The following WDFY3 variants were observed in gnomAD, a reference collection of about 807,000 sequenced individuals.
WDFY3 encodes the protein WD repeat and FYVE domain-containing protein 3.
WDFY3 carries 66 observed loss-of-function variants against 409.6 expected under a neutral mutation model. The ratio of observed to expected loss-of-function variants is 0.16; its 90% confidence interval spans 0.13 to 0.20. The LOEUF (loss-of-function observed/expected upper bound fraction) is 0.20. Among genes scored for constraint, WDFY3 ranks in the 10% least tolerant of loss-of-function variants. The probability of loss-of-function intolerance (pLI) is 1.00; values close to 1 mark genes in which losing one functional copy is unlikely to be tolerated. For missense variants in WDFY3, 3,031 were observed against 4,298.1 expected (o/e 0.71, Z 8.24); for synonymous variants, 1,521 against 1,537.1 (o/e 0.99, Z 0.25).
intron 45 of WDFY3, among the ~76,000 whole-genome samples, chr4:84,724,900 C>A (rs1461531348): frequency 1.3e-5 from 2 of 152,148 alleles, no homozygotes; most frequent in Non-Finnish European, 2.9e-5. Flanking sequence ...GAAAACCTCC[C>A]CATCCGGTAA....
intron 29 of WDFY3, 41 bp from the exon 30 acceptor site, chr4:84,772,970 C>T (rs749769274): frequency 1.0e-5 from 15 of 1,484,080 alleles, no homozygotes; most frequent in African/African-American, 1.4e-5. Context: ...TTTCTTTTTC[C>T]TCTTCCCAAA....
rs1725274301 is a variant in WDFY3, at chr4:84,670,340, T to G, written c.*2528A>C. 6.6e-6 allele frequency: 1 copy of G among 152,632 alleles called. No homozygotes were observed. Among genetic ancestry groups the G allele is most frequent in the Non-Finnish European group, 1.5e-5 (1 of 68,046 alleles). 9.5% of individuals were successfully genotyped at this position (152,632 alleles called of 1,614,324 possible). A position where few individuals can be genotyped will look rare whatever the true frequency, so the allele number is the denominator to read the frequency against. On this transcript the variant is annotated 3_prime_UTR_variant, in exon 68 of 68. Transcript: ENST00000295888. ...TGACAATAGATGTTGGTAAATAAATTTACATGGAACACAGAAAGATATCCA... is the reference window on the plus strand; with the variant it reads ...TGACAATAGATGTTGGTAAATAAATGTACATGGAACACAGAAAGATATCCA...
intron 4 of WDFY3, among the ~76,000 whole-genome samples, chr4:84,850,838 G>T (rs1156623352): frequency 6.6e-6 from 1 of 150,846 alleles, no homozygotes; most frequent in African/African-American, 2.4e-5. Context: ...AACAGAAATG[G>T]GAGGGTCATG....
intron 47 of WDFY3, among the ~76,000 whole-genome samples, chr4:84,720,935 G>A (rs1442360879): frequency 1.3e-5 from 2 of 152,150 alleles, no homozygotes; most frequent in Admixed American, 1.3e-4. Flanking sequence ...AGGTCAGCAG[G>A]GTATTGGAGG....
At chr4:84,775,866 C>CA (rs1190044112) in intron 27 of WDFY3, among the ~76,000 whole-genome samples, 2 of 151,524 alleles carry the variant, frequency 1.3e-5, no homozygotes, top group Admixed American at 6.6e-5. Flanking sequence ...CTATTCCATG[C>CA]AAAAATGTCC....
chr4:84,674,525 G>A (rs1245883562), intron 67 of WDFY3, among the ~76,000 whole-genome samples: 1 of 151,806 alleles, frequency 6.6e-6, no homozygotes, highest in Non-Finnish European at 1.5e-5. Flanking sequence ...AGCTGTGATC[G>A]TGCCACTGTA....
intron 21 of WDFY3, among the ~76,000 whole-genome samples, chr4:84,791,966 C>T (rs1364059766): frequency 6.6e-6 from 1 of 152,004 alleles, no homozygotes; most frequent in Non-Finnish European, 1.5e-5. Context: ...AATGGCAAGA[C>T]AGCGGTGGAA....
At chr4:84,692,755 T>A in intron 59 of WDFY3, 130 bp downstream of exon 59, 1 of 854,496 alleles carries the variant, frequency 1.2e-6, no homozygotes, top group East Asian at 2.8e-5. Context: ...TTTAGTAATC[T>A]AACACAAAAT....
intron 53 of WDFY3, among the ~76,000 whole-genome samples, chr4:84,707,312 G>A (rs1732136986): frequency 6.6e-6 from 1 of 152,142 alleles, no homozygotes; most frequent in South Asian, 2.1e-4. Context: ...GAAGGAAGGA[G>A]AGACTAGAGC....
rs1298000979 is a variant in WDFY3 at position 84,717,024 on chromosome 4, C to G, written c.7755-8G>C. ...ATAATAGGCTCATGCATACTACAGGCAGCCAAGAGAAAAAGCAAATAAAAA... is the reference window on the plus strand; with the variant it reads ...ATAATAGGCTCATGCATACTACAGGGAGCCAAGAGAAAAAGCAAATAAAAA... On this transcript the variant is annotated splice_region_variant and splice_polypyrimidine_tract_variant and intron_variant, in intron 48 of 67. Transcript: ENST00000295888. 6.4e-6 allele frequency: 10 copies of G among 1,560,960 alleles called. No homozygotes were observed. The East Asian group carries it at 2.4e-4, about 37-fold the overall frequency.
intron 37 of WDFY3, among the ~76,000 whole-genome samples, chr4:84,742,588 GAGGT>G (rs1738638009): frequency 6.6e-6 from 1 of 152,184 alleles, no homozygotes; most frequent in Admixed American, 6.5e-5. Context: ...CACACAGCAA[GAGGT>G]GTGAGGTGGG....
At chr4:84,709,883 C>T (rs913924564) in intron 51 of WDFY3, among the ~76,000 whole-genome samples, 3 of 152,136 alleles carry the variant, frequency 2.0e-5, no homozygotes, top group Admixed American at 1.3e-4. Context: ...CTCGCCACCA[C>T]GCCCAGCTAA....
rs756515756 is a variant in WDFY3, at chr4:84,774,876, A to G, written c.4698T>C (p.Ile1566=). The G allele has an allele frequency of 6.2e-7, 1 of 1,614,004 alleles. No individual in the cohort carries two copies. The highest frequency in any genetic ancestry group is 8.5e-7 in the Non-Finnish European group (1 of 1,179,932). The change falls in exon 29 of 68, where the codon ATT becomes ATC. Residue 1566 remains isoleucine, a synonymous_variant. Coordinates refer to ENST00000295888, the MANE Select transcript of WDFY3 (RefSeq NM_014991.6). ...GCAGTAAGAAGCTCAGGACATTACT[A>G]ATAGCAGCAATAGTAGGCTGGGATA... The part of the protein sequence containing the change: ...MSLSQPTIAA[I]SNVLSFLLQG...
rs374943340 is a variant in WDFY3 at position 84,672,821 on chromosome 4, C to T, written c.*47G>A. The stretch of plus-strand genomic sequence containing the variant: ...GCCTTCCAAGCTGGGACAGGAGAAT[C>T]GGGAAGGGGTCTACAGACCATGGTC... On this transcript the variant is annotated 3_prime_UTR_variant, in exon 68 of 68. Transcript: ENST00000295888. The T allele has an allele frequency of 1.9e-6, 3 of 1,603,598 alleles. No individual in the cohort carries two copies. The highest frequency in any genetic ancestry group is 1.7e-5 in the Admixed American group (1 of 58,078).
At chr4:84,890,343 A>T (rs1230942542) in intron 3 of WDFY3, among the ~76,000 whole-genome samples, 1 of 152,082 alleles carries the variant, frequency 6.6e-6, no homozygotes, top group Non-Finnish European at 1.5e-5. Context: ...CAAGATATCC[A>T]CCTGCCTTGG....
At chr4:84,929,088 G>A (rs541309268) in intron 2 of WDFY3, among the ~76,000 whole-genome samples, 5 of 152,140 alleles carry the variant, frequency 3.3e-5, no homozygotes, top group Admixed American at 1.3e-4. Flanking sequence ...CTTGCTCACC[G>A]TCTCTTGTTA....
chr4:84,901,950 T>A (rs1490073235), intron 2 of WDFY3, among the ~76,000 whole-genome samples: 3 of 152,204 alleles, frequency 2.0e-5, no homozygotes, highest in Non-Finnish European at 1.5e-5. Flanking sequence ...ACATACTGCA[T>A]GAAGAAATAC....
intron 1 of WDFY3, among the ~76,000 whole-genome samples, chr4:84,933,943 G>C (rs1040772594): frequency 6.6e-6 from 1 of 152,036 alleles, no homozygotes; most frequent in Admixed American, 6.6e-5. Context: ...CACTTAGTTT[G>C]CATCCGAATC....
chr4:84,882,190 C>T (rs1455524494), intron 3 of WDFY3, among the ~76,000 whole-genome samples: 1 of 152,150 alleles, frequency 6.6e-6, no homozygotes, highest in East Asian at 1.9e-4. Context: ...CACATCAAGG[C>T]TCTCAGTCAA....
Sources: gnomAD v4.1 joint callset for allele counts (sites outside exome capture counted in the v4.1 genomes callset) on GRCh38, gnomAD v4.1.1 for gene constraint, MANE v1.5 for transcripts, NCBI Gene and HGNC (gene_info 2026-07-23, HGNC 2026-07-21) for gene names.